PALS2: variants seen among roughly 807,000 people sequenced by gnomAD.
The protein encoded by PALS2 is protein associated with LIN7 2, MAGUK p55 family member, also known as protein PALS2.
A neutral mutation model predicts 61.6 loss-of-function variants in PALS2; 27 were observed. That is an observed-to-expected ratio of 0.44 (90% CI 0.32 to 0.60). The LOEUF (loss-of-function observed/expected upper bound fraction) is 0.60. Ranked by LOEUF, PALS2 falls within the 20% of genes least tolerant of loss-of-function variation. PALS2 has a pLI of 0.05. For missense variants in PALS2, 554 were observed against 639.4 expected, an observed-to-expected ratio of 0.87 and a Z score of 1.44; for synonymous variants, 236 against 218.6, an observed-to-expected ratio of 1.08 and a Z score of -0.70.
intron 6 of PALS2, 141 bp from the exon 7 acceptor site, chr7:24,665,447 G>T: frequency 1.6e-6 from 1 of 643,676 alleles, no homozygotes; most frequent in Admixed American, 2.8e-5. Flanking sequence ...TATCTTAACT[G>T]ACAATGCTAT....
At position 24,690,050 on chromosome 7, in the gene PALS2, A is replaced by G. The variant is rs929572449; in HGVS notation, c.*2436A>G. The G allele has an allele frequency of 6.6e-6, 1 of 152,226 alleles. No homozygotes were observed. The highest frequency in any genetic ancestry group is 1.5e-5 in the Non-Finnish European group (1 of 68,032). 9.4% of individuals were successfully genotyped at this position (152,226 alleles called of 1,614,324 possible). The stretch of plus-strand genomic sequence containing the variant: ...AAATATACTTAAAGGAATTATTTCT[A>G]TTATAAATGGTATTCATGATTGACT... On this transcript the variant is annotated 3_prime_UTR_variant, in exon 12 of 12. Coordinates refer to ENST00000222644, the MANE Select transcript of PALS2 (RefSeq NM_001303037.2).
rs755496031 is a variant in PALS2 at position 24,641,800 on chromosome 7, A to G, written c.202A>G (p.Thr68Ala). ...AGTCAATGAAATTCTTGAAGACATC[A>G]CTCCTCTAATAAATGTGGATGAAAA... ...ELVNEILEDI[T>A]PLINVDENVA... The change falls in exon 3 of 12, where the codon ACT becomes GCT. Residue 68 changes from threonine (T) to alanine (A), a missense_variant. Coordinates refer to ENST00000222644, the MANE Select transcript of PALS2 (RefSeq NM_001303037.2). 82 of 1,612,898 alleles carry G rather than the reference A, an allele frequency of 5.1e-5. No individual in the cohort carries two copies. The highest frequency in any genetic ancestry group is 8.3e-5 in the Admixed American group (5 of 59,914).
intron 2 of PALS2, among the ~76,000 whole-genome samples, chr7:24,634,234 T>C (rs1583912244): frequency 6.6e-6 from 1 of 152,166 alleles, no homozygotes; most frequent in African/African-American, 2.4e-5. Context: ...TTTTGTTTTT[T>C]ATTTTTATTT....
At chr7:24,636,653 A>C (rs1262347017) in intron 2 of PALS2, among the ~76,000 whole-genome samples, 1 of 152,220 alleles carries the variant, frequency 6.6e-6, no homozygotes, top group Admixed American at 6.5e-5. Flanking sequence ...AAATATGTAC[A>C]ATATGTATCA....
intron 10 of PALS2, among the ~76,000 whole-genome samples, chr7:24,679,771 C>T (rs190076735): frequency 6.2e-4 from 95 of 152,276 alleles, no homozygotes; most frequent in African/African-American, 2.1e-3. Flanking sequence ...CTTCCCACTC[C>T]GCTACACTCA....
intron 1 of PALS2, among the ~76,000 whole-genome samples, chr7:24,609,422 C>T (rs534513934): frequency 1.5e-3 from 229 of 152,096 alleles, no homozygotes; most frequent in African/African-American, 5.3e-3. Flanking sequence ...GGATATGGGA[C>T]ATATTAGGGT....
chr7:24,608,165 A>C (rs941511327), intron 1 of PALS2, among the ~76,000 whole-genome samples: 2 of 152,112 alleles, frequency 1.3e-5, no homozygotes, highest in African/African-American at 4.8e-5. Context: ...AGTCTACTCC[A>C]TTATCTCCTG....
At chr7:24,640,644 T>C (rs914705770) in intron 2 of PALS2, among the ~76,000 whole-genome samples, 7 of 152,242 alleles carry the variant, frequency 4.6e-5, no homozygotes, top group Non-Finnish European at 1.0e-4. Flanking sequence ...GCTTAAAAGT[T>C]GGAGCCGCTT....
intron 5 of PALS2, among the ~76,000 whole-genome samples, chr7:24,652,832 A>G (rs1165109441): frequency 6.6e-6 from 1 of 152,200 alleles, no homozygotes; most frequent in African/African-American, 2.4e-5. Flanking sequence ...ATGTTTTTCA[A>G]AAGCATAGTC....
intron 1 of PALS2, among the ~76,000 whole-genome samples, chr7:24,622,682 TC>T (rs1784568558): frequency 6.9e-6 from 1 of 145,960 alleles, no homozygotes; most frequent in South Asian, 2.1e-4. Context: ...TTTTCTTTTT[TC>T]TTTTTTTTTT....
chr7:24,682,790 A>G (rs191748220), intron 11 of PALS2, among the ~76,000 whole-genome samples: 17 of 152,070 alleles, frequency 1.1e-4, no homozygotes, highest in Admixed American at 2.6e-4. Context: ...AGTTGTTAAA[A>G]TAATAATAAT....
At chr7:24,685,647 G>GTT (rs34096637) in intron 11 of PALS2, among the ~76,000 whole-genome samples, 65 of 132,880 alleles carry the variant, frequency 4.9e-4, no homozygotes, top group Non-Finnish European at 5.9e-4. Context: ...TGTTAACAGG[G>GTT]TTTTTTTTTT....
Position 24,689,044 on chromosome 7 carries a change from C to T in PALS2, c.*1430C>T, listed in dbSNP as rs1204233754. 1.3e-5 allele frequency: 2 copies of T among 152,144 alleles called. No individual in the cohort carries two copies. The highest frequency in any genetic ancestry group is 2.9e-5 in the Non-Finnish European group (2 of 68,062). 9.4% of individuals were successfully genotyped at this position (152,144 alleles called of 1,614,324 possible). ...GGCCAGGGTGGTCTCGAGCTCCTGA[C>T]CTCAAGTGATCCACCCACCTTGGCC... On this transcript the variant is annotated 3_prime_UTR_variant, in exon 12 of 12. Coordinates refer to ENST00000222644, the MANE Select transcript of PALS2 (RefSeq NM_001303037.2).
rs575813861 is a variant in PALS2 at position 24,688,252 on chromosome 7, C to G, written c.*638C>G. The G allele has an allele frequency of 1.3e-5, 2 of 152,130 alleles. No homozygotes were observed. Among genetic ancestry groups the G allele is most frequent in the Admixed American group, 1.3e-4 (2 of 15,276 alleles). 9.4% of individuals were successfully genotyped at this position (152,130 alleles called of 1,614,324 possible). A position where few individuals can be genotyped will look rare whatever the true frequency, so the allele number is the denominator to read the frequency against. On this transcript the variant is annotated 3_prime_UTR_variant, in exon 12 of 12. Coordinates refer to ENST00000222644, the MANE Select transcript of PALS2 (RefSeq NM_001303037.2). ...ATTAGTTTTGTCTCTTCATTTCTAT[C>G]TTTACTGAAAAATTGAAGAGCAATA... is the stretch of plus-strand genomic sequence containing the variant.
chr7:24,621,683 G>A (rs1784527195), intron 1 of PALS2, among the ~76,000 whole-genome samples: 1 of 151,948 alleles, frequency 6.6e-6, no homozygotes, highest in Admixed American at 6.6e-5. Flanking sequence ...AGAAGGGTAA[G>A]CAGCATGGAA....
intron 1 of PALS2, among the ~76,000 whole-genome samples, chr7:24,590,718 C>G (rs935780331): frequency 1.3e-5 from 2 of 151,990 alleles, no homozygotes; most frequent in Non-Finnish European, 2.9e-5. Flanking sequence ...AGGCCAGGGC[C>G]TAAATGGCAG....
At chr7:24,672,640 C>T (rs951500472) in intron 9 of PALS2, among the ~76,000 whole-genome samples, 3 of 151,914 alleles carry the variant, frequency 2.0e-5, no homozygotes, top group Admixed American at 6.6e-5. Context: ...ACATTTATTC[C>T]TGAGTATTTT....
In PALS2 at chr7:24,687,791, G is replaced by A; in HGVS notation, c.*177G>A. The A allele has an allele frequency of 2.0e-6, 1 of 500,372 alleles. No individual in the cohort carries two copies. Among genetic ancestry groups the A allele is most frequent in the Non-Finnish European group, 3.3e-6 (1 of 304,966 alleles). 31.0% of individuals were successfully genotyped at this position (500,372 alleles called of 1,614,324 possible). Reference sequence around the variant, plus strand: ...ATTTTTATATAAAATGTGGTTGGAAGGTGTACTAATATATAATTTATCTTA... The same window carrying A: ...ATTTTTATATAAAATGTGGTTGGAAAGTGTACTAATATATAATTTATCTTA... On this transcript the variant is annotated 3_prime_UTR_variant, in exon 12 of 12. Transcript: ENST00000222644. The surrounding 1 kb of genome is among the most constrained non-coding windows in gnomAD (Gnocchi z 4.5).
chr7:24,636,280 A>G (rs1785235630), intron 2 of PALS2, among the ~76,000 whole-genome samples: 1 of 151,550 alleles, frequency 6.6e-6, no homozygotes, highest in Non-Finnish European at 1.5e-5. Flanking sequence ...TTACCAGTGT[A>G]TGTTCCCACT....
Sources: gnomAD v4.1 joint callset for allele counts (sites outside exome capture counted in the v4.1 genomes callset) on GRCh38, gnomAD v4.1.1 for gene constraint, Gnocchi (gnomAD v3.1) non-coding constraint, MANE v1.5 for transcripts, NCBI Gene and HGNC (gene_info 2026-07-23, HGNC 2026-07-21) for gene names.